TAS1R2: variants seen among roughly 807,000 people sequenced by gnomAD.
TAS1R2 encodes the protein taste 1 receptor member 2.
A neutral mutation model predicts 49.3 loss-of-function variants in TAS1R2; 47 were observed. The observed-to-expected ratio is 0.95, with a 90% CI of 0.75 to 1.22. The LOEUF (loss-of-function observed/expected upper bound fraction) is 1.22. TAS1R2 is among the 50% of genes most tolerant of loss of function. The probability of loss-of-function intolerance (pLI) is 0.00; values close to 1 mark genes in which losing one functional copy is unlikely to be tolerated. For missense variants in TAS1R2, 1,155 were observed against 1,122.1 expected (o/e 1.03, Z -0.42); for synonymous variants, 479 against 467.9 (o/e 1.02, Z -0.31).
rs149174919 is a variant in TAS1R2, at chr1:18,851,561, C to T, written c.1258-2011G>A. ...GGCCAGGCTGGTCTCGAACTCCTGACGTCATGATTCATCTGCCTCGGCCTG... is the reference window on the plus strand; with the variant it reads ...GGCCAGGCTGGTCTCGAACTCCTGATGTCATGATTCATCTGCCTCGGCCTG... On this transcript the variant is annotated intron_variant, in intron 3 of 5. Transcript: ENST00000375371. 2.4e-3 allele frequency among the ~76,000 whole-genome samples: 366 copies of T among 152,166 alleles called. 2 individuals are homozygous for T. Among genetic ancestry groups the T allele is most frequent in the African/African-American group, 8.1e-3 (335 of 41,506 alleles).
At chr1:18,839,609 C>G in exon 6 of TAS1R2, 2 of 1,614,180 alleles carry the variant, frequency 1.2e-6, no homozygotes, top group Non-Finnish European at 1.7e-6. Flanking sequence ...CTAGTCCCTC[C>G]TCATGGTGTA....
intron 4 of TAS1R2, among the ~76,000 whole-genome samples, chr1:18,846,810 G>C (rs1476222837): frequency 6.6e-6 from 1 of 152,238 alleles, no homozygotes; most frequent in African/African-American, 2.4e-5. Context: ...CTCATGTCCA[G>C]TTGTAGTCCC....
chr1:18,844,813 T>G (rs1163943240), intron 4 of TAS1R2, among the ~76,000 whole-genome samples: 1 of 152,114 alleles, frequency 6.6e-6, no homozygotes, highest in African/African-American at 2.4e-5. Context: ...GTCAGCTGGC[T>G]TTTGTCCTCA....
intron 3 of TAS1R2, 140 bp from the exon 4 acceptor site, chr1:18,849,690 G>C: frequency 1.0e-6 from 1 of 982,826 alleles, no homozygotes; most frequent in South Asian, 1.6e-5. Flanking sequence ...TCTCCGAAAG[G>C]GTGGCAATTT....
intron 4 of TAS1R2, among the ~76,000 whole-genome samples, chr1:18,847,602 TC>T (rs1047700768): frequency 4.6e-5 from 7 of 152,116 alleles, no homozygotes; most frequent in Non-Finnish European, 8.8e-5. Flanking sequence ...CTAGATCCCC[TC>T]CCCAACTCCA....
chr1:18,856,929 T>C (rs1356836327), intron 2 of TAS1R2, among the ~76,000 whole-genome samples: 1 of 152,238 alleles, frequency 6.6e-6, no homozygotes, highest in Non-Finnish European at 1.5e-5. Flanking sequence ...TTTTTATTCC[T>C]GTGCAAGATG....
At chr1:18,839,789 C>T in exon 6 of TAS1R2, 1 of 1,614,176 alleles carries the variant, frequency 6.2e-7, no homozygotes, top group Non-Finnish European at 8.5e-7. Flanking sequence ...CATGAAGGTG[C>T]AGAGGGAGAC....
rs548742769 is a variant in TAS1R2 at position 18,851,559 on chromosome 1, G to C, written c.1258-2009C>G. ...TTGGCCAGGCTGGTCTCGAACTCCTGACGTCATGATTCATCTGCCTCGGCC... is the reference window on the plus strand; with the variant it reads ...TTGGCCAGGCTGGTCTCGAACTCCTCACGTCATGATTCATCTGCCTCGGCC... On this transcript the variant is annotated intron_variant, in intron 3 of 5. Transcript: ENST00000375371. Among the ~76,000 whole-genome samples the C allele has an allele frequency of 5.5e-4, 84 of 152,182 alleles. 2 individuals are homozygous for C. The South Asian group carries it at 0.017, about 31-fold the overall frequency.
intron 1 of TAS1R2, 147 bp downstream of exon 1, chr1:18,859,332 A>C: frequency 2.4e-5 from 23 of 947,408 alleles, no homozygotes; most frequent in Non-Finnish European, 3.1e-5. Flanking sequence ...GACTAGGGGC[A>C]TGGATCCAGA....
rs755952697 is a variant in TAS1R2 at position 18,854,706 on chromosome 1, T to C, written c.764A>G (p.Gln255Arg). 30 of 1,613,432 alleles carry C rather than the reference T, an allele frequency of 1.9e-5. No homozygotes were observed. In the South Asian group the frequency reaches 3.2e-4, roughly 17 times the overall value. ...CTTGTCCACAATGGTCACCAGGCGC[T>C]GGCGCTCCTCTGACGTCATGTTCTG... The change falls in exon 3 of 6, where the codon CAG becomes CGG. Residue 255 changes from glutamine (Q) to arginine (R), a missense_variant. Physicochemically the swap from Gln to Arg is conservative, Grantham distance 43. Transcript: ENST00000375371. The surrounding 1 kb of genome is among the most constrained non-coding windows in gnomAD (Gnocchi z 4.9).
intron 3 of TAS1R2, among the ~76,000 whole-genome samples, chr1:18,850,164 C>G (rs139682146): frequency 5.9e-5 from 9 of 152,328 alleles, no homozygotes; most frequent in African/African-American, 2.2e-4. Flanking sequence ...CTGGGACAAA[C>G]TAGAGCACAC....
At chr1:18,841,737 T>C (rs765288905) in exon 5 of TAS1R2, 1 of 1,613,502 alleles carries the variant, frequency 6.2e-7, no homozygotes, top group Non-Finnish European at 8.5e-7. Flanking sequence ...ACCTTCAGTG[T>C]GGTTGAGGAA....
rs773501539 is a variant in TAS1R2 at position 18,849,556 on chromosome 1, G to A, written c.1258-6C>T. 6.1e-5 allele frequency: 98 copies of A among 1,613,886 alleles called. No homozygotes were observed. In the East Asian group the frequency reaches 8.0e-4, roughly 13 times the overall value. ...TTCCAGATCTCCTCAAGCAGCTGGC[G>A]GGGTCAGAGGGAAGGGAAGTGGAGC... On this transcript the variant is annotated splice_polypyrimidine_tract_variant and splice_region_variant and intron_variant, in intron 3 of 5. Coordinates refer to ENST00000375371, the Ensembl canonical transcript of TAS1R2.
chr1:18,839,609 C>T (rs1166036559), exon 6 of TAS1R2: 2 of 1,614,180 alleles, frequency 1.2e-6, no homozygotes, highest in Non-Finnish European at 1.7e-6. Context: ...CTAGTCCCTC[C>T]TCATGGTGTA....
intron 4 of TAS1R2, among the ~76,000 whole-genome samples, chr1:18,849,027 G>A (rs1318228158): frequency 1.3e-5 from 2 of 152,148 alleles, no homozygotes; most frequent in Admixed American, 1.3e-4. Flanking sequence ...AAAAGGTTGG[G>A]GACCACTGCC....
At chr1:18,852,957 G>A (rs1416407087) in intron 3 of TAS1R2, among the ~76,000 whole-genome samples, 1 of 152,242 alleles carries the variant, frequency 6.6e-6, no homozygotes, top group Non-Finnish European at 1.5e-5. Context: ...AAAGGGATGG[G>A]ACATCCTGGT....
At chr1:18,855,141 G>A (rs1934116744) in intron 2 of TAS1R2, among the ~76,000 whole-genome samples, 155 bp from the exon 3 acceptor site, 1 of 152,154 alleles carries the variant, frequency 6.6e-6, no homozygotes, top group Admixed American at 6.5e-5. Flanking sequence ...ATGGTCCCCA[G>A]GTAGCCCCAT....
Position 18,854,400 on chromosome 1 carries a change from T to C in TAS1R2, c.1070A>G (p.Tyr357Cys), listed in dbSNP as rs144118547. ...GTTGTCGCACTCCTGGTTGCAGGTA[T>C]AGCTCTGGCTGGTCCTGCTGAGGGG... Residue 357 changes from tyrosine to cysteine, a missense_variant, in exon 3 of 6, where the codon TAT becomes TGT. Coordinates refer to ENST00000375371, the Ensembl canonical transcript of TAS1R2. This position sits in a 1 kb window ranked among gnomAD's most constrained non-coding sequence, Gnocchi z 4.9. 5.3e-5 allele frequency: 86 copies of C among 1,613,864 alleles called. No individual in the cohort carries two copies. Among genetic ancestry groups the C allele is most frequent in the Admixed American group, 1.0e-4 (6 of 59,988 alleles).
chr1:18,857,701 C>A, intron 1 of TAS1R2, 70 bp from the exon 2 acceptor site: 2 of 1,511,092 alleles, frequency 1.3e-6, no homozygotes, highest in Non-Finnish European at 1.8e-6. Flanking sequence ...AGAGAACCAG[C>A]CCACTCCTCC....
Sources: allele counts gnomAD v4.1 joint callset (sites outside exome capture counted in the v4.1 genomes callset), GRCh38; gene constraint gnomAD v4.1.1; non-coding constraint Gnocchi (gnomAD v3.1); transcripts MANE v1.5; gene names NCBI Gene and HGNC (gene_info 2026-07-23, HGNC 2026-07-21).